SMAP1: variants seen among roughly 807,000 people sequenced by gnomAD.
SMAP1 encodes the protein stromal membrane-associated protein 1.
A neutral mutation model predicts 58.5 loss-of-function variants in SMAP1; 24 were observed. That is an observed-to-expected ratio of 0.41 (90% CI 0.30 to 0.58). The LOEUF (loss-of-function observed/expected upper bound fraction) is 0.58. Among genes scored for constraint, SMAP1 ranks in the 20% least tolerant of loss-of-function variants. The pLI is 0.29. For missense variants in SMAP1, 563 were observed against 566.3 expected, an observed-to-expected ratio of 0.99 and a Z score of 0.06; for synonymous variants, 216 against 196.6, an observed-to-expected ratio of 1.10 and a Z score of -0.82.
intron 6 of SMAP1, among the ~76,000 whole-genome samples, chr6:70,826,612 T>C (rs1770130685): frequency 6.6e-6 from 1 of 151,876 alleles, no homozygotes; most frequent in Non-Finnish European, 1.5e-5. Flanking sequence ...AAAAATTAGC[T>C]GGGCGTGGTG....
At position 70,856,916 on chromosome 6, in the gene SMAP1, G is replaced by T. The variant is rs774775763; in HGVS notation, c.847G>T (p.Asp283Tyr). The T allele has an allele frequency of 1.6e-5, 26 of 1,613,788 alleles. No individual in the cohort carries two copies. The highest frequency in any genetic ancestry group is 2.0e-5 in the Non-Finnish European group (24 of 1,179,838). ...GTCTACAGTAACATCTGGGGATCTA[G>T]ATTTATTCACTGAGCAAACTACAAA... Reference protein sequence around the residue: ...TLSTVTSGDLDLFTEQTTKSE... With the variant: ...TLSTVTSGDLYLFTEQTTKSE... Residue 283 changes from aspartate to tyrosine, a missense_variant, in exon 9 of 11, where the codon GAT becomes TAT. Asp to Tyr is a radical substitution (Grantham distance 160). Transcript: ENST00000370455.
chr6:70,725,918 G>A (rs913390010), intron 1 of SMAP1, among the ~76,000 whole-genome samples: 1 of 152,168 alleles, frequency 6.6e-6, no homozygotes, highest in Non-Finnish European at 1.5e-5. Context: ...TAGCCTCAAC[G>A]GAAGTGACTT....
chr6:70,785,814 T>C (rs1020280933), intron 4 of SMAP1, among the ~76,000 whole-genome samples: 5 of 151,938 alleles, frequency 3.3e-5, no homozygotes, highest in East Asian at 1.9e-4. Flanking sequence ...TAATCAATAG[T>C]TTACCAACCA....
At chr6:70,769,201 G>GC (rs1297018198) in intron 3 of SMAP1, among the ~76,000 whole-genome samples, 6 of 152,166 alleles carry the variant, frequency 3.9e-5, no homozygotes, top group Non-Finnish European at 7.3e-5. Context: ...TAGGTGTGGT[G>GC]TGGTGCTGAA....
intron 6 of SMAP1, among the ~76,000 whole-genome samples, chr6:70,801,967 C>A (rs1350047005): frequency 6.6e-6 from 1 of 152,132 alleles, no homozygotes; most frequent in Admixed American, 6.5e-5. Context: ...CAGCTTTGTT[C>A]TTTTTGCTTA....
intron 6 of SMAP1, among the ~76,000 whole-genome samples, chr6:70,834,120 A>T (rs931950380): frequency 6.6e-6 from 1 of 152,136 alleles, no homozygotes; most frequent in Non-Finnish European, 1.5e-5. Flanking sequence ...TGCATTGCTC[A>T]ATTTAGCTTT....
intron 1 of SMAP1, among the ~76,000 whole-genome samples, chr6:70,681,462 T>A (rs1766707578): frequency 6.6e-6 from 1 of 152,174 alleles, no homozygotes; most frequent in Non-Finnish European, 1.5e-5. Context: ...ATATGTTGTT[T>A]ACTTCTTTCG....
Position 70,755,024 on chromosome 6 carries a change from A to C in SMAP1, c.297A>C (p.Glu99Asp). 1.2e-6 allele frequency: 2 copies of C among 1,610,898 alleles called. No homozygotes were observed. The highest frequency in any genetic ancestry group is 1.7e-6 in the Non-Finnish European group (2 of 1,177,734). Reference sequence around the variant, plus strand: ...ATACTAAAGCAAGACTACTCTATGAAGCCAATCTTCCAGAGAACTTTCGAA... The same window carrying C: ...ATACTAAAGCAAGACTACTCTATGACGCCAATCTTCCAGAGAACTTTCGAA... ...MGNTKARLLY[E>D]ANLPENFRRP... Residue 99 changes from glutamate to aspartate, a missense_variant, in exon 3 of 11, where the codon GAA becomes GAC. By Grantham distance (45) the Glu-to-Asp change is conservative. Coordinates refer to ENST00000370455, the MANE Select transcript of SMAP1 (RefSeq NM_001044305.3).
At chr6:70,680,335 A>G (rs758896009) in intron 1 of SMAP1, among the ~76,000 whole-genome samples, 23 of 152,238 alleles carry the variant, frequency 1.5e-4, no homozygotes, top group Admixed American at 1.5e-3. Context: ...AATTGAGAAA[A>G]TGAACTTCAT....
intron 2 of SMAP1, among the ~76,000 whole-genome samples, chr6:70,751,888 C>T (rs1333964): frequency 0.5 from 75,519 of 151,900 alleles, 19,106 homozygotes; most frequent in African/African-American, 0.52. Flanking sequence ...GTACATGTCA[C>T]TTATCCCCTC....
At chr6:70,783,185 C>A (rs1767837798) in intron 4 of SMAP1, among the ~76,000 whole-genome samples, 1 of 152,212 alleles carries the variant, frequency 6.6e-6, no homozygotes, top group African/African-American at 2.4e-5. Flanking sequence ...AATACCCAGG[C>A]AAACAGGGTC....
intron 7 of SMAP1, among the ~76,000 whole-genome samples, chr6:70,841,468 AT>A (rs1562197629): frequency 7.5e-6 from 1 of 132,768 alleles, no homozygotes; most frequent in Non-Finnish European, 1.6e-5. Flanking sequence ...GATCTTGGTA[AT>A]GAAAATCTAG....
chr6:70,793,622 A>C (rs191540010), intron 5 of SMAP1, among the ~76,000 whole-genome samples: 4 of 149,274 alleles, frequency 2.7e-5, no homozygotes, highest in African/African-American at 7.4e-5. Context: ...GCCCATGGGA[A>C]AGAAAAGGGG....
chr6:70,808,902 CTGTGTG>C (rs35577736), intron 6 of SMAP1, among the ~76,000 whole-genome samples: 4,384 of 144,654 alleles, frequency 0.03, 116 homozygotes, highest in African/African-American at 0.057. Context: ...GGCTGTTTCC[CTGTGTG>C]TGTGTGTGTG....
intron 6 of SMAP1, among the ~76,000 whole-genome samples, chr6:70,819,197 T>C (rs558458064): frequency 6.6e-6 from 1 of 152,246 alleles, no homozygotes; most frequent in East Asian, 1.9e-4. Context: ...GTAAAAGTAC[T>C]GCATTCTTTT....
chr6:70,732,423 G>T lies in SMAP1; in HGVS notation c.164G>T (p.Arg55Ile). The T allele has an allele frequency of 6.2e-7, 1 of 1,612,798 alleles. No individual in the cohort carries two copies. Among genetic ancestry groups the T allele is most frequent in the Non-Finnish European group, 8.5e-7 (1 of 1,179,184 alleles). The change falls in exon 2 of 11, where the codon AGA (arginine) becomes ATA (isoleucine). Residue 55 changes from arginine to isoleucine, a missense_variant. Transcript: ENST00000370455. ...SWNIGVFICI[R>I]CAGIHRNLGV... ...AATATTGGTGTGTTTATTTGCATCA[G>T]ATGTGCTGGAATTCATAGAAATCTT...
At chr6:70,678,082 A>T (rs758473086) in intron 1 of SMAP1, among the ~76,000 whole-genome samples, 1 of 152,242 alleles carries the variant, frequency 6.6e-6, no homozygotes, top group African/African-American at 2.4e-5. Flanking sequence ...GCTCTTGGAA[A>T]CATGCTAATT....
chr6:70,709,158 A>G (rs1177109623), intron 1 of SMAP1, among the ~76,000 whole-genome samples: 1 of 151,762 alleles, frequency 6.6e-6, no homozygotes, highest in Non-Finnish European at 1.5e-5. Context: ...TCCCAACCCC[A>G]TTTGTTGAAG....
intron 5 of SMAP1, 73 bp from the exon 6 acceptor site, chr6:70,798,580 TCAAA>T (rs1768707380): frequency 1.8e-5 from 20 of 1,105,696 alleles, no homozygotes; most frequent in Non-Finnish European, 2.6e-5. Flanking sequence ...AGATGATTAC[TCAAA>T]CTAATAAGGA....
Sources: gnomAD v4.1 joint callset for allele counts (sites outside exome capture counted in the v4.1 genomes callset) on GRCh38, gnomAD v4.1.1 for gene constraint, MANE v1.5 for transcripts, NCBI Gene and HGNC (gene_info 2026-07-23, HGNC 2026-07-21) for gene names.